Variants in BCAS3 observed in about 807,000 individuals in gnomAD.
BCAS3 encodes BCAS4/BCAS3 fusion.
A neutral mutation model predicts 116.1 loss-of-function variants in BCAS3; 53 were observed. That is an observed-to-expected ratio of 0.46 (90% CI 0.37 to 0.57). The LOEUF (loss-of-function observed/expected upper bound fraction) is 0.57. Among genes scored for constraint, BCAS3 ranks in the 20% least tolerant of loss-of-function variants. The pLI is 0.00. For synonymous variants in BCAS3, 391 were observed against 408.2 expected (o/e 0.96, Z 0.51); for missense variants, 917 against 1,165.4 (o/e 0.79, Z 3.10).
chr17:60,722,269 C>T (rs1268689307), intron 5 of BCAS3, among the ~76,000 whole-genome samples: 1 of 152,146 alleles, frequency 6.6e-6, no homozygotes, highest in Non-Finnish European at 1.5e-5. Flanking sequence ...TTTATTGTGT[C>T]ATAGGATAAG....
chr17:60,941,212 C>G (rs1224820479), intron 13 of BCAS3, among the ~76,000 whole-genome samples: 2 of 152,200 alleles, frequency 1.3e-5, no homozygotes, highest in Non-Finnish European at 1.5e-5. Flanking sequence ...CTTCCAGGCC[C>G]TATAATTAGA....
chr17:60,784,831 C>T (rs1419637535), intron 6 of BCAS3, among the ~76,000 whole-genome samples: 1 of 152,012 alleles, frequency 6.6e-6, no homozygotes, highest in Non-Finnish European at 1.5e-5. Flanking sequence ...CGCAGTGGCT[C>T]ACGCCTGTAA....
In BCAS3 at chr17:61,349,830, A is replaced by C. The variant is rs990916001; in HGVS notation, c.2426-18497A>C. Among the ~76,000 whole-genome samples the C allele has an allele frequency of 6.6e-6, 1 of 152,216 alleles. No homozygotes were observed. Among genetic ancestry groups the C allele is most frequent in the African/African-American group, 2.4e-5 (1 of 41,460 alleles). On this transcript the variant is annotated intron_variant, in intron 22 of 23. Coordinates refer to ENST00000407086, the MANE Select transcript of BCAS3 (RefSeq NM_017679.5). This position sits in a 1 kb window ranked among gnomAD's most constrained non-coding sequence, Gnocchi z 4.7. Reference sequence around the variant, plus strand: ...TCTGCTCTCAGGAGTGATTTTGTACATAAGGCCTTCGTCTCTACCAAAGGT... The same window carrying C: ...TCTGCTCTCAGGAGTGATTTTGTACCTAAGGCCTTCGTCTCTACCAAAGGT...
In BCAS3 at chr17:61,122,647, T is replaced by C. The variant is rs1197450187; in HGVS notation, c.2425+38083T>C. 1.3e-5 allele frequency among the ~76,000 whole-genome samples: 2 copies of C among 152,188 alleles called. No individual in the cohort carries two copies. The highest frequency in any genetic ancestry group is 6.5e-5 in the Admixed American group (1 of 15,288). ...AACATTATCTTGCTCCCATATGTTT[T>C]TGTAGGATCTTGAAAGGGAAATCAT... On this transcript the variant is annotated intron_variant, in intron 22 of 23. Transcript: ENST00000407086. The surrounding 1 kb of genome is among the most constrained non-coding windows in gnomAD (Gnocchi z 4.6).
rs1426088487 is a variant in BCAS3, at chr17:61,200,424, G to A, written c.2425+115860G>A. Among the ~76,000 whole-genome samples, 1 of 152,168 alleles carries A rather than the reference G, an allele frequency of 6.6e-6. No homozygotes were observed. The highest frequency in any genetic ancestry group is 1.5e-5 in the Non-Finnish European group (1 of 68,032). ...ATTATTTTATAGCCATAGCAACTTG[G>A]TAAAGGAGAGATTATTATTCTTATT... On this transcript the variant is annotated intron_variant, in intron 22 of 23. Coordinates refer to ENST00000407086, the MANE Select transcript of BCAS3 (RefSeq NM_017679.5). This position sits in a 1 kb window ranked among gnomAD's most constrained non-coding sequence, Gnocchi z 5.1.
chr17:61,334,980 C>T lies in BCAS3; in HGVS notation c.2426-33347C>T, dbSNP rs117088470. Among the ~76,000 whole-genome samples the T allele has an allele frequency of 6.4e-3, 973 of 152,336 alleles. 30 individuals carry two copies. The highest frequency in any genetic ancestry group is 0.048 in the East Asian group (248 of 5,176). On this transcript the variant is annotated intron_variant, in intron 22 of 23. Coordinates refer to ENST00000407086, the MANE Select transcript of BCAS3 (RefSeq NM_017679.5). ...GAACCTGCCTGAGGACTGAACCTGA[C>T]TGAGGTCCTGAACCTGAGCACAGGA...
chr17:61,173,178 G>A (rs1006091317), intron 22 of BCAS3, among the ~76,000 whole-genome samples: 15 of 151,992 alleles, frequency 9.9e-5, no homozygotes, highest in African/African-American at 1.4e-4. Flanking sequence ...GGCTGGGCAC[G>A]GTGGCTCATG....
intron 13 of BCAS3, among the ~76,000 whole-genome samples, chr17:60,934,808 G>C (rs763825383): frequency 2.0e-5 from 3 of 152,070 alleles, no homozygotes; most frequent in Non-Finnish European, 4.4e-5. Flanking sequence ...ACCTGTGGTC[G>C]GGAGCAGTGA....
At chr17:60,717,054 C>A (rs1429483515) in intron 5 of BCAS3, among the ~76,000 whole-genome samples, 1 of 152,022 alleles carries the variant, frequency 6.6e-6, no homozygotes, top group African/African-American at 2.4e-5. Flanking sequence ...CTGTGGGTTG[C>A]TCTTTTATAT....
At chr17:61,202,132 GA>G (rs1172058900) in intron 22 of BCAS3, among the ~76,000 whole-genome samples, 1 of 66,080 alleles carries the variant, frequency 1.5e-5, no homozygotes, top group African/African-American at 3.9e-5. Context: ...GAAAGGTGGT[GA>G]TTTTTTTTTT....
chr17:61,262,595 G>A (rs1249687556), intron 22 of BCAS3, among the ~76,000 whole-genome samples: 1 of 152,148 alleles, frequency 6.6e-6, no homozygotes, highest in Admixed American at 6.5e-5. Flanking sequence ...TGACCAGGCT[G>A]GTCTTGAACT....
At chr17:61,048,845 G>C (rs1392658836) in intron 19 of BCAS3, among the ~76,000 whole-genome samples, 1 of 151,928 alleles carries the variant, frequency 6.6e-6, no homozygotes, top group Admixed American at 6.6e-5. Context: ...GTGTCTTAGA[G>C]GGCACAATGG....
In BCAS3 at chr17:61,171,663, A is replaced by G. The variant is rs1242560482; in HGVS notation, c.2425+87099A>G. Among the ~76,000 whole-genome samples, 1 of 152,048 alleles carries G rather than the reference A, an allele frequency of 6.6e-6. No homozygotes were observed. The highest frequency in any genetic ancestry group is 2.4e-5 in the African/African-American group (1 of 41,384). ...TTTTTTTGAAACAGCGTCTGTTGCC[A>G]AGGCTGATATGCAGTGACATGATTA... On this transcript the variant is annotated intron_variant, in intron 22 of 23. Coordinates refer to ENST00000407086, the MANE Select transcript of BCAS3 (RefSeq NM_017679.5). This position sits in a 1 kb window ranked among gnomAD's most constrained non-coding sequence, Gnocchi z 4.1.
intron 5 of BCAS3, among the ~76,000 whole-genome samples, chr17:60,719,017 G>A (rs577926602): frequency 7.9e-5 from 12 of 152,206 alleles, no homozygotes; most frequent in African/African-American, 2.4e-4. Flanking sequence ...AGCCAAGATC[G>A]CGCCATTGCA....
intron 22 of BCAS3, among the ~76,000 whole-genome samples, chr17:61,336,426 G>A (rs1276171342): frequency 6.6e-6 from 1 of 151,970 alleles, no homozygotes; most frequent in African/African-American, 2.4e-5. Flanking sequence ...CTTTCCCCTG[G>A]TCTTTGTCAG....
At chr17:61,163,418 C>T (rs1038753305) in intron 22 of BCAS3, among the ~76,000 whole-genome samples, 5 of 139,994 alleles carry the variant, frequency 3.6e-5, no homozygotes, top group Non-Finnish European at 7.7e-5. Context: ...AGCGAGACTC[C>T]GTCTCAGAAA....
At chr17:60,788,950 T>C (rs911109944) in intron 6 of BCAS3, among the ~76,000 whole-genome samples, 2 of 152,114 alleles carry the variant, frequency 1.3e-5, no homozygotes, top group Non-Finnish European at 2.9e-5. Context: ...AAAGCTCACA[T>C]TGAGTGAATA....
rs2057005896 is a variant in BCAS3, at chr17:61,339,772, A to C, written c.2426-28555A>C. Among the ~76,000 whole-genome samples, 1 of 152,084 alleles carries C rather than the reference A, an allele frequency of 6.6e-6. No homozygotes were observed. The highest frequency in any genetic ancestry group is 6.5e-5 in the Admixed American group (1 of 15,270). On this transcript the variant is annotated intron_variant, in intron 22 of 23. Coordinates refer to ENST00000407086, the MANE Select transcript of BCAS3 (RefSeq NM_017679.5). This position sits in a 1 kb window ranked among gnomAD's most constrained non-coding sequence, Gnocchi z 4.4. ...CAAAGCGAGACCCCATCTAAAAAAA[A>C]AAAAAAAAGACCAAGGAGATGAGTG...
intron 7 of BCAS3, among the ~76,000 whole-genome samples, chr17:60,862,571 C>T (rs1205429908): frequency 2.0e-5 from 3 of 152,144 alleles, no homozygotes; most frequent in African/African-American, 4.8e-5. Flanking sequence ...ATTTATCCAT[C>T]TCTCCTATGT....
Sources: allele counts gnomAD v4.1 joint callset (sites outside exome capture counted in the v4.1 genomes callset), GRCh38; gene constraint gnomAD v4.1.1; non-coding constraint Gnocchi (gnomAD v3.1); transcripts MANE v1.5; gene names NCBI Gene and HGNC (gene_info 2026-07-23, HGNC 2026-07-21).